Variants in ASAP2 observed in about 807,000 individuals in gnomAD.
The protein encoded by ASAP2 is ArfGAP with SH3 domain, ankyrin repeat and PH domain 2, also known as arf-GAP with SH3 domain, ANK repeat and PH domain-containing protein 2.
Under a neutral mutation model 131.4 loss-of-function variants are expected in ASAP2, and 45 were observed. That is an observed-to-expected ratio of 0.34 (90% CI 0.27 to 0.44). The LOEUF (loss-of-function observed/expected upper bound fraction) is 0.44. Ranked by LOEUF, ASAP2 falls within the 20% of genes least tolerant of loss-of-function variation. ASAP2 has a pLI of 1.00. For synonymous variants in ASAP2, 510 were observed against 503.0 expected (o/e 1.01, Z -0.19); for missense variants, 1,011 against 1,297.0 (o/e 0.78, Z 3.39).
intron 2 of ASAP2, among the ~76,000 whole-genome samples, chr2:9,296,946 A>C: frequency 6.6e-6 from 1 of 152,000 alleles, no homozygotes. Flanking sequence ...TCTGTGGTTG[A>C]GTTTCTGGGA....
intron 15 of ASAP2, among the ~76,000 whole-genome samples, chr2:9,359,541 C>T (rs1004800251): frequency 2.0e-5 from 3 of 152,222 alleles, no homozygotes; most frequent in Non-Finnish European, 4.4e-5. Flanking sequence ...TCATGACTGT[C>T]TTCCCTAGAA....
chr2:9,287,183 G>A (rs1295037128), intron 2 of ASAP2, among the ~76,000 whole-genome samples: 3 of 152,236 alleles, frequency 2.0e-5, no homozygotes, highest in Non-Finnish European at 4.4e-5. Context: ...GTTGCTGGGG[G>A]CACACGGTGG....
intron 1 of ASAP2, among the ~76,000 whole-genome samples, chr2:9,240,208 C>T (rs1025661638): frequency 3.3e-5 from 5 of 150,902 alleles, no homozygotes; most frequent in African/African-American, 4.9e-5. Context: ...CCTTCAATCA[C>T]GACATGTCTC....
At chr2:9,224,568 A>C (rs1354978828) in intron 1 of ASAP2, among the ~76,000 whole-genome samples, 2 of 152,150 alleles carry the variant, frequency 1.3e-5, no homozygotes, top group Admixed American at 6.5e-5. Context: ...TTAGAGAAGC[A>C]GGAAAATCTT....
rs1187252919 is a variant in ASAP2 at position 9,392,026 on chromosome 2, G to A, written c.2518+830G>A. Among the ~76,000 whole-genome samples the A allele has an allele frequency of 6.6e-6, 1 of 152,094 alleles. No individual in the cohort carries two copies. The highest frequency in any genetic ancestry group is 1.5e-5 in the Non-Finnish European group (1 of 68,016). On this transcript the variant is annotated intron_variant, in intron 23 of 27. Transcript: ENST00000281419. The surrounding 1 kb of genome is among the most constrained non-coding windows in gnomAD (Gnocchi z 4.0). ...CTCCTGAGTAGCTGGGATTATTGGTGCAAGCGTATTTTTTGTAGAGACAGG... is the reference window on the plus strand; with the variant it reads ...CTCCTGAGTAGCTGGGATTATTGGTACAAGCGTATTTTTTGTAGAGACAGG...
chr2:9,290,362 A>G (rs1380933496), intron 2 of ASAP2, among the ~76,000 whole-genome samples: 7 of 152,082 alleles, frequency 4.6e-5, no homozygotes, highest in Admixed American at 4.6e-4. Context: ...GACACCTGCC[A>G]CCACTCCTGG....
At chr2:9,346,865 A>G (rs1354261467) in intron 11 of ASAP2, among the ~76,000 whole-genome samples, 1 of 152,246 alleles carries the variant, frequency 6.6e-6, no homozygotes, top group African/African-American at 2.4e-5. Context: ...AGTCACTTCC[A>G]TAGCTTGAGC....
chr2:9,359,777 G>A (rs896753175), intron 15 of ASAP2, among the ~76,000 whole-genome samples: 10 of 152,224 alleles, frequency 6.6e-5, no homozygotes, highest in Admixed American at 5.2e-4. Context: ...AACTTCGAAT[G>A]CATTTTGAAC....
intron 6 of ASAP2, among the ~76,000 whole-genome samples, chr2:9,326,889 G>A (rs1016658684): frequency 6.6e-6 from 1 of 152,262 alleles, no homozygotes; most frequent in Admixed American, 6.5e-5. Context: ...GTAAACTTTT[G>A]TGGTTATCTT....
intron 1 of ASAP2, among the ~76,000 whole-genome samples, chr2:9,221,091 G>C (rs190456399): frequency 1.4e-4 from 21 of 152,070 alleles, no homozygotes; most frequent in African/African-American, 5.1e-4. Context: ...GGAAGTGTGA[G>C]TCTTTCAACT....
intron 15 of ASAP2, among the ~76,000 whole-genome samples, chr2:9,361,185 T>A (rs986449366): frequency 3.3e-5 from 5 of 152,376 alleles, no homozygotes; most frequent in Non-Finnish European, 7.3e-5. Flanking sequence ...TGTCTGCAGA[T>A]ATTTTCAAAA....
At chr2:9,319,751 C>T (rs1670034396) in intron 4 of ASAP2, among the ~76,000 whole-genome samples, 1 of 152,218 alleles carries the variant, frequency 6.6e-6, no homozygotes, top group Non-Finnish European at 1.5e-5. Flanking sequence ...TTTCCAGTGG[C>T]TCAGTAGTTT....
At chr2:9,304,254 G>C (rs2148425790) in intron 3 of ASAP2, among the ~76,000 whole-genome samples, 1 of 152,274 alleles carries the variant, frequency 6.6e-6, no homozygotes, top group East Asian at 1.9e-4. Context: ...AGGACATGCT[G>C]TTTCTGTTTG....
At chr2:9,316,731 C>T (rs1457448171) in intron 3 of ASAP2, among the ~76,000 whole-genome samples, 1 of 152,134 alleles carries the variant, frequency 6.6e-6, no homozygotes, top group African/African-American at 2.4e-5. Context: ...ACTGCTGTCA[C>T]GGAGACTTGC....
chr2:9,282,968 C>G (rs1667229107), intron 2 of ASAP2, among the ~76,000 whole-genome samples: 1 of 152,262 alleles, frequency 6.6e-6, no homozygotes, highest in South Asian at 2.1e-4. Flanking sequence ...TCCCCCATCC[C>G]AGTCACCTGC....
chr2:9,240,245 ATTTTTTTTTT>A (rs34070129), intron 1 of ASAP2, among the ~76,000 whole-genome samples: 1 of 127,068 alleles, frequency 7.9e-6, no homozygotes, highest in African/African-American at 3.0e-5. Flanking sequence ...TCCTCCCATA[ATTTTTTTTTT>A]TTTTTTTTTT....
At chr2:9,360,179 T>C (rs1383847067) in intron 15 of ASAP2, among the ~76,000 whole-genome samples, 1 of 152,194 alleles carries the variant, frequency 6.6e-6, no homozygotes, top group Non-Finnish European at 1.5e-5. Flanking sequence ...CTTAAAACAA[T>C]GGAAAGTGTT....
At position 9,374,758 on chromosome 2, in the gene ASAP2, T is replaced by C; in HGVS notation, c.1560T>C (p.Asn520=). Residue 520 remains asparagine (N), a synonymous_variant, in exon 17 of 28, where the codon AAT becomes AAC. Coordinates refer to ENST00000281419, the MANE Select transcript of ASAP2 (RefSeq NM_003887.3). ...SVKPNPGSDM[N]ARKDYITAKY... ...AGGCAATTACGTTTGGTTTCAGGAA[T>C]GCAAGAAAGGACTACATCACAGCCA... 3 of 1,591,410 alleles carry C rather than the reference T, an allele frequency of 1.9e-6. No individual in the cohort carries two copies. The highest frequency in any genetic ancestry group is 8.5e-7 in the Non-Finnish European group (1 of 1,170,184).
At chr2:9,329,568 C>G (rs1009016737) in intron 7 of ASAP2, among the ~76,000 whole-genome samples, 1 of 152,280 alleles carries the variant, frequency 6.6e-6, no homozygotes, top group East Asian at 1.9e-4. Flanking sequence ...CAAGATTACT[C>G]TGTGTGTTGT....
Sources: allele counts gnomAD v4.1 joint callset (sites outside exome capture counted in the v4.1 genomes callset), GRCh38; gene constraint gnomAD v4.1.1; non-coding constraint Gnocchi (gnomAD v3.1); transcripts MANE v1.5; gene names NCBI Gene and HGNC (gene_info 2026-07-23, HGNC 2026-07-21).